The following SP100 variants were observed in gnomAD, a reference collection of about 807,000 sequenced individuals.
SP100 encodes the protein nuclear autoantigen Sp-100.
SP100 carries 84 observed loss-of-function variants against 130.0 expected under a neutral mutation model. The ratio of observed to expected loss-of-function variants is 0.65; its 90% CI spans 0.54 to 0.77. SP100 has a LOEUF of 0.77. Ranked by LOEUF, SP100 falls within the 30% of genes least tolerant of loss-of-function variation. SP100 has a pLI of 0.00. For missense variants in SP100, 978 were observed against 1,052.2 expected, an observed-to-expected ratio of 0.93 and a Z score of 0.97; for synonymous variants, 331 against 351.7, an observed-to-expected ratio of 0.94 and a Z score of 0.66.
chr2:230,425,613 C>T (rs143997587), intron 2 of SP100, among the ~76,000 whole-genome samples: 208 of 152,246 alleles, frequency 1.4e-3, no homozygotes, highest in African/African-American at 4.5e-3. Context: ...CCCACTTGAT[C>T]ATAGTAAGTG....
At chr2:230,507,616 T>C (rs1034738491) in intron 22 of SP100, among the ~76,000 whole-genome samples, 5 of 152,038 alleles carry the variant, frequency 3.3e-5, no homozygotes, top group Admixed American at 3.3e-4. Context: ...GGCTTTGAGG[T>C]TGAGGACCAT....
At chr2:230,494,338 G>A in intron 17 of SP100, 78 bp from the exon 18 acceptor site, 1 of 1,118,666 alleles carries the variant, frequency 8.9e-7, no homozygotes. Context: ...TTCAATGCTT[G>A]TAAACTATTG....
intron 24 of SP100, among the ~76,000 whole-genome samples, chr2:230,524,179 CAAAAAAAAAAAA>C (rs71420292): frequency 4.0e-5 from 3 of 75,422 alleles, no homozygotes; most frequent in Non-Finnish European, 2.4e-5. Context: ...ACTAAAAATA[CAAAAAAAAAAAA>C]AAAAAAAAAA....
intron 24 of SP100, among the ~76,000 whole-genome samples, chr2:230,530,052 C>T (rs529321025): frequency 6.6e-6 from 1 of 152,204 alleles, no homozygotes; most frequent in Admixed American, 6.5e-5. Context: ...CTACCACTGA[C>T]TTTCTTCACA....
At chr2:230,511,268 G>A in intron 24 of SP100, 102 bp downstream of exon 24, 1 of 857,558 alleles carries the variant, frequency 1.2e-6, no homozygotes. Flanking sequence ...AGTCTCAGTT[G>A]GAGTATGTTG....
At position 230,461,311 on chromosome 2, in the gene SP100, T is replaced by C; in HGVS notation, c.870T>C (p.Ser290=). 1 of 1,614,160 alleles carries C rather than the reference T, an allele frequency of 6.2e-7. No homozygotes were observed. The highest frequency in any genetic ancestry group is 8.5e-7 in the Non-Finnish European group (1 of 1,179,976). The change falls in exon 9 of 29, where the codon TCT becomes TCC. Residue 290 remains serine (S), a synonymous_variant. Coordinates refer to ENST00000340126, the MANE Select transcript of SP100 (RefSeq NM_001080391.2). ...ATGGAATCCAAATTAATTCCTGTTC[T>C]GTGCGACTGGTGGATATAAAAAAGG... ...HNHGIQINSC[S]VRLVDIKKEK...
At position 230,417,664 on chromosome 2, in the gene SP100, A is replaced by T; in HGVS notation, c.106A>T (p.Arg36Trp). The T allele has an allele frequency of 6.2e-7, 1 of 1,612,054 alleles. No homozygotes were observed. Among genetic ancestry groups the T allele is most frequent in the South Asian group, 1.1e-5 (1 of 90,536 alleles). Residue 36 changes from arginine to tryptophan, a missense_variant and splice_region_variant, in exon 2 of 29, where the codon AGG becomes TGG. Physicochemically the swap from Arg to Trp is moderately radical, Grantham distance 101 (BLOSUM62 -3). Coordinates refer to ENST00000340126, the MANE Select transcript of SP100 (RefSeq NM_001080391.2). ...HLPAHSHDLQRMFTEDQGVDD... is the reference protein window; with the variant it reads ...HLPAHSHDLQWMFTEDQGVDD... ...TCCTGCACACAGCCACGATTTGCAA[A>T]GGTGATGAATGAAGAGTTATGTCTT...
At chr2:230,470,966 A>G (rs201289462) in intron 15 of SP100, among the ~76,000 whole-genome samples, 1 of 77,696 alleles carries the variant, frequency 1.3e-5, no homozygotes. Context: ...AAACACACAC[A>G]TATGTGTGTG....
intron 17 of SP100, among the ~76,000 whole-genome samples, chr2:230,481,009 T>TG (rs1327919624): frequency 6.9e-6 from 1 of 143,936 alleles, no homozygotes; most frequent in African/African-American, 2.6e-5. Flanking sequence ...GGTGGTAGTG[T>TG]GGATAGTGGT....
rs1378282361 is a variant in SP100 at position 230,539,370 on chromosome 2, T to C, written c.2198T>C (p.Val733Ala). 1 of 1,613,090 alleles carries C rather than the reference T, an allele frequency of 6.2e-7. No individual in the cohort carries two copies. Among genetic ancestry groups the C allele is most frequent in the East Asian group, 2.2e-5 (1 of 44,876 alleles). ...SFHEHCHIPS[V>A]EANKNPWSCI... ...CATGAGCACTGCCACATCCCATCCG[T>C]GGAAGCTAACAAGTGAGTAAGACAT... The change falls in exon 25 of 29, where the codon GTG (valine) becomes GCG (alanine). Residue 733 changes from valine (V) to alanine (A), a missense_variant. Val to Ala is a moderately conservative substitution (Grantham distance 64). Coordinates refer to ENST00000340126, the MANE Select transcript of SP100 (RefSeq NM_001080391.2).
intron 25 of SP100, 36 bp from the exon 26 acceptor site, chr2:230,540,839 GA>G: frequency 6.3e-7 from 1 of 1,583,510 alleles, no homozygotes; most frequent in Non-Finnish European, 8.6e-7. Context: ...CTGATTCACA[GA>G]ACCTGCCATT....
At position 230,511,131 on chromosome 2, in the gene SP100, C is replaced by A. The variant is rs781491944; in HGVS notation, c.2059C>A (p.Leu687Met). The change falls in exon 24 of 29, where the codon CTG becomes ATG. Residue 687 changes from leucine to methionine, a missense_variant. Leu to Met is a conservative substitution (Grantham distance 15). Transcript: ENST00000340126. ...TTTCTGTTTTTTTCAACAGAGAATA[C>A]TGGAATCTCACAACAATACCTTAGT... Reference protein sequence around the residue: ...EPPSTRKKRILESHNNTLVDP... With the variant: ...EPPSTRKKRIMESHNNTLVDP... 6.2e-7 allele frequency: 1 copy of A among 1,606,750 alleles called. No homozygotes were observed. Among genetic ancestry groups the A allele is most frequent in the Admixed American group, 1.7e-5 (1 of 60,000 alleles).
At chr2:230,473,214 C>A in intron 15 of SP100, 110 bp from the exon 16 acceptor site, 1 of 681,882 alleles carries the variant, frequency 1.5e-6, no homozygotes, top group East Asian at 2.6e-5. Flanking sequence ...AGATGTAGAG[C>A]CCATCCCTTA....
At chr2:230,450,076 G>A (rs2063899439) in intron 7 of SP100, 96 bp from the exon 8 acceptor site, 2 of 821,164 alleles carry the variant, frequency 2.4e-6, no homozygotes, top group African/African-American at 1.7e-5. Context: ...AGTAGAAACA[G>A]GAGAAGAAAG....
rs181675707 is a variant in SP100 at position 230,453,265 on chromosome 2, G to T, written c.820+3010G>T. On this transcript the variant is annotated intron_variant, in intron 8 of 28. Coordinates refer to ENST00000340126, the MANE Select transcript of SP100 (RefSeq NM_001080391.2). ...TTGTGAGAACAGCATTGAGGTAACT[G>T]CCCCCATGACTCAATTACCTCCCAC... Among the ~76,000 whole-genome samples, 46 of 152,298 alleles carry T rather than the reference G, an allele frequency of 3.0e-4. 1 individual carries two copies. In the East Asian group the frequency reaches 8.7e-3, roughly 29 times the overall value.
intron 24 of SP100, among the ~76,000 whole-genome samples, chr2:230,525,727 A>G (rs1227703422): frequency 6.6e-6 from 1 of 152,198 alleles, no homozygotes; most frequent in Non-Finnish European, 1.5e-5. Context: ...TTAGCAACCG[A>G]CAGACCAGGA....
intron 6 of SP100, 79 bp from the exon 7 acceptor site, chr2:230,449,482 G>A: frequency 6.7e-7 from 1 of 1,499,520 alleles, no homozygotes; most frequent in Non-Finnish European, 9.3e-7. Flanking sequence ...TCCATCAGTG[G>A]CCCGTGCTGT....
At chr2:230,530,469 T>C (rs1054742711) in intron 24 of SP100, among the ~76,000 whole-genome samples, 12 of 152,082 alleles carry the variant, frequency 7.9e-5, no homozygotes, top group African/African-American at 2.9e-4. Context: ...CCTAAAACCA[T>C]AAAAACCCTA....
intron 2 of SP100, among the ~76,000 whole-genome samples, chr2:230,429,524 A>T (rs1053657748): frequency 6.6e-6 from 1 of 152,146 alleles, no homozygotes; most frequent in African/African-American, 2.4e-5. Context: ...TCCAGCCATT[A>T]CTTCTCTAAA....
Sources: gnomAD v4.1 joint callset for allele counts (sites outside exome capture counted in the v4.1 genomes callset) on GRCh38, gnomAD v4.1.1 for gene constraint, MANE v1.5 for transcripts, NCBI Gene and HGNC (gene_info 2026-07-23, HGNC 2026-07-21) for gene names.